Variants in NTAQ1 observed in about 807,000 individuals in gnomAD.
NTAQ1 encodes the protein protein N-terminal glutamine amidohydrolase.
A neutral mutation model predicts 28.2 loss-of-function variants in NTAQ1; 21 were observed. The observed-to-expected ratio is 0.74, with a 90% CI of 0.53 to 1.07. NTAQ1 has a LOEUF of 1.07. NTAQ1 is among the 50% of genes least tolerant of loss of function. NTAQ1 has a pLI of 0.00. For synonymous variants in NTAQ1, 105 were observed against 90.0 expected, an observed-to-expected ratio of 1.17 and a Z score of -0.94; for missense variants, 264 against 256.6, an observed-to-expected ratio of 1.03 and a Z score of -0.20.
In NTAQ1 at chr8:123,437,168, A is replaced by G. The variant is rs371178380; in HGVS notation, c.384-42A>G. ...TAAAAATGGAGTTAGAATTTCAAAC[A>G]TGACATCTCCCTAATGTGAGTGTAT... is the stretch of plus-strand genomic sequence containing the variant. On this transcript the variant is annotated intron_variant, in intron 4 of 5. Transcript: ENST00000287387. 6.2e-6 allele frequency: 10 copies of G among 1,601,634 alleles called. No individual in the cohort carries two copies. In the African/African-American group the frequency reaches 8.0e-5, roughly 13 times the overall value.
intron 5 of NTAQ1, 112 bp downstream of exon 5, chr8:123,437,446 T>C (rs534458677): frequency 1.4e-5 from 21 of 1,469,220 alleles, no homozygotes; most frequent in Non-Finnish European, 1.8e-5. Context: ...ACTCCATGAG[T>C]GAATCCCAGC....
chr8:123,429,279 A>G (rs1814253761), intron 2 of NTAQ1, among the ~76,000 whole-genome samples: 1 of 152,230 alleles, frequency 6.6e-6, no homozygotes, highest in Non-Finnish European at 1.5e-5. Context: ...CCATCATACA[A>G]TAACTAGTGC....
intron 1 of NTAQ1, among the ~76,000 whole-genome samples, chr8:123,425,414 C>G (rs1205360845): frequency 6.6e-6 from 1 of 151,648 alleles, no homozygotes; most frequent in East Asian, 1.9e-4. Flanking sequence ...TTTTATTACT[C>G]TATAGTACAT....
rs1479792884 is a variant in NTAQ1 at position 123,441,513 on chromosome 8, A to AC, written c.*98_*99insC. The AC allele has an allele frequency of 1.2e-5, 11 of 898,846 alleles. No homozygotes were observed. The highest frequency in any genetic ancestry group is 1.9e-5 in the Non-Finnish European group (11 of 570,514). The allele number at this position is 898,846 out of a possible 1,614,324, so 55.7% of individuals were successfully genotyped here. On this transcript the variant is annotated 3_prime_UTR_variant, in exon 6 of 6. Coordinates refer to ENST00000287387, the MANE Select transcript of NTAQ1 (RefSeq NM_018024.3). ...AAACATTATGGTACAGTTGGCTTGG[A>AC]ATTATGTCTTTCTCTTTTAATTTGA... is the stretch of plus-strand genomic sequence containing the variant.
intron 4 of NTAQ1, 102 bp from the exon 5 acceptor site, chr8:123,437,108 G>A: frequency 6.9e-7 from 1 of 1,444,922 alleles, no homozygotes; most frequent in South Asian, 1.3e-5. Flanking sequence ...AAATGCATGA[G>A]TAGTTTTGTG....
intron 1 of NTAQ1, among the ~76,000 whole-genome samples, chr8:123,421,864 A>ATT (rs199998137): frequency 4.7e-5 from 7 of 149,796 alleles, no homozygotes; most frequent in Admixed American, 2.7e-4. Flanking sequence ...AATTTTTTGT[A>ATT]TTTTTTTTTA....
At chr8:123,434,661 G>C (rs13258305) in intron 3 of NTAQ1, among the ~76,000 whole-genome samples, 55,088 of 151,962 alleles carry the variant, frequency 0.36, 10,100 homozygotes, top group East Asian at 0.56. Context: ...ATATGAATTA[G>C]AAGATGTTAA....
At chr8:123,458,362 T>C (rs1052452500) in intron 6 of NTAQ1, among the ~76,000 whole-genome samples, 2 of 152,066 alleles carry the variant, frequency 1.3e-5, no homozygotes, top group Non-Finnish European at 2.9e-5. Flanking sequence ...GTTATACCGC[T>C]CCGAGCCTGT....
At chr8:123,426,172 G>A (rs765234682) in intron 1 of NTAQ1, among the ~76,000 whole-genome samples, 12 of 152,270 alleles carry the variant, frequency 7.9e-5, no homozygotes, top group Admixed American at 2.0e-4. Context: ...AGTACTGCCC[G>A]AAGTGACTGG....
At chr8:123,426,045 A>G (rs1279510306) in intron 1 of NTAQ1, among the ~76,000 whole-genome samples, 3 of 152,202 alleles carry the variant, frequency 2.0e-5, no homozygotes, top group African/African-American at 7.2e-5. Context: ...GCAAAAAAGA[A>G]ACTAGGCTTT....
chr8:123,446,997 A>G (rs753004484), downstream of NTAQ1, among the ~76,000 whole-genome samples: 2 of 151,602 alleles, frequency 1.3e-5, no homozygotes, highest in African/African-American at 4.8e-5. Flanking sequence ...GGGTTCTGTT[A>G]TCATCTGTGC....
chr8:123,437,660 G>C (rs552895088), intron 5 of NTAQ1, among the ~76,000 whole-genome samples: 2 of 151,176 alleles, frequency 1.3e-5, no homozygotes, highest in Admixed American at 6.6e-5. Context: ...CTGAGATCGG[G>C]CCACTGCATT....
downstream of NTAQ1, among the ~76,000 whole-genome samples, chr8:123,448,985 C>G (rs1815383074): frequency 6.6e-6 from 1 of 152,180 alleles, no homozygotes; most frequent in South Asian, 2.1e-4. Flanking sequence ...TAGAGTGTTC[C>G]TTGATGGCAG....
At chr8:123,433,705 C>T (rs981004957) in intron 3 of NTAQ1, among the ~76,000 whole-genome samples, 5 of 152,138 alleles carry the variant, frequency 3.3e-5, no homozygotes, top group Non-Finnish European at 7.3e-5. Flanking sequence ...GCCTCGGCCT[C>T]CCAAAGTGCT....
At chr8:123,465,306 A>G (rs919496163) in intron 6 of NTAQ1, among the ~76,000 whole-genome samples, 16 of 152,152 alleles carry the variant, frequency 1.1e-4, no homozygotes, top group Admixed American at 2.6e-4. Context: ...TTGTGTGTGC[A>G]TGTGTATAAA....
chr8:123,448,221 C>A (rs1815358746), downstream of NTAQ1: 1 of 152,192 alleles, frequency 6.6e-6, no homozygotes, highest in South Asian at 2.1e-4. Flanking sequence ...TCACAGAATT[C>A]TTGGTGAGTT....
chr8:123,465,925 AG>A (rs747067431), intron 6 of NTAQ1, among the ~76,000 whole-genome samples: 3 of 152,294 alleles, frequency 2.0e-5, no homozygotes, highest in African/African-American at 7.2e-5. Context: ...TGCCTGTGTC[AG>A]TAGTTCATTC....
At chr8:123,436,687 T>G in intron 4 of NTAQ1, 86 bp downstream of exon 4, 1 of 1,452,246 alleles carries the variant, frequency 6.9e-7, no homozygotes, top group Non-Finnish European at 9.3e-7. Flanking sequence ...TTGACAATTG[T>G]TTTGTAAAGA....
At chr8:123,473,397 C>T (rs963271866), downstream of NTAQ1, among the ~76,000 whole-genome samples, 4 of 151,302 alleles carry the variant, frequency 2.6e-5, no homozygotes, top group Non-Finnish European at 5.9e-5. Context: ...CTGGGCTCAA[C>T]CAATTCTCCT....
Sources: gnomAD v4.1 joint callset for allele counts (sites outside exome capture counted in the v4.1 genomes callset) on GRCh38, gnomAD v4.1.1 for gene constraint, MANE v1.5 for transcripts, NCBI Gene and HGNC (gene_info 2026-07-23, HGNC 2026-07-21) for gene names.